The following SKAP1 variants were observed in gnomAD, a reference collection of about 807,000 sequenced individuals.
SKAP1 encodes the protein src kinase-associated phosphoprotein 1.
A neutral mutation model predicts 58.5 loss-of-function variants in SKAP1; 44 were observed. The ratio of observed to expected loss-of-function variants is 0.75; its 90% CI spans 0.59 to 0.97. The LOEUF is 0.97. Among genes scored for constraint, SKAP1 ranks in the 50% least tolerant of loss-of-function variants. The probability of loss-of-function intolerance (pLI) is 0.00; values close to 1 mark genes in which losing one functional copy is unlikely to be tolerated. For synonymous variants in SKAP1, 127 were observed against 149.7 expected, an observed-to-expected ratio of 0.85 and a Z score of 1.11; for missense variants, 390 against 435.2, an observed-to-expected ratio of 0.90 and a Z score of 0.92.
At chr17:48,439,793 CAG>C in the SKAP1 span, among the ~76,000 whole-genome samples, 6 of 152,150 alleles carry the variant, frequency 3.9e-5, no homozygotes, top group African/African-American at 1.2e-4. Context: ...GAGGAGGAAT[CAG>C]AGAAAAAATG....
chr17:48,250,786 A>C (rs188506734), intron 4 of SKAP1, among the ~76,000 whole-genome samples: 1 of 152,284 alleles, frequency 6.6e-6, no homozygotes, highest in Non-Finnish European at 1.5e-5. Flanking sequence ...ACCTGCAGAT[A>C]TATAGAGGAG....
At chr17:48,359,141 G>C (rs909185539) in intron 3 of SKAP1, among the ~76,000 whole-genome samples, 2 of 151,604 alleles carry the variant, frequency 1.3e-5, no homozygotes, top group African/African-American at 4.8e-5. Context: ...TTTACATTAT[G>C]GAGAAGTTTA....
At chr17:48,272,380 C>T (rs184148209) in intron 4 of SKAP1, among the ~76,000 whole-genome samples, 114 of 151,904 alleles carry the variant, frequency 7.5e-4, no homozygotes, top group African/African-American at 2.6e-3. Flanking sequence ...GATCCATCCA[C>T]CTTGGCCTCC....
intron 4 of SKAP1, chr17:48,308,906 G>A (rs540902469): frequency 4.6e-5 from 7 of 151,910 alleles, no homozygotes; most frequent in African/African-American, 7.3e-5. Flanking sequence ...TTGTTTATTT[G>A]AGCTCAGTTC....
intron 4 of SKAP1, among the ~76,000 whole-genome samples, chr17:48,239,010 T>C (rs1468163165): frequency 1.3e-5 from 2 of 152,198 alleles, no homozygotes; most frequent in Non-Finnish European, 2.9e-5. Flanking sequence ...CTTTAGTTAT[T>C]TGAAAAAGCT....
At chr17:48,300,733 A>G (rs1167337143) in intron 4 of SKAP1, among the ~76,000 whole-genome samples, 1 of 152,190 alleles carries the variant, frequency 6.6e-6, no homozygotes, top group Non-Finnish European at 1.5e-5. Flanking sequence ...CTGCTTAACA[A>G]TAATGTGTTT....
intron 4 of SKAP1, among the ~76,000 whole-genome samples, chr17:48,223,966 CTG>C (rs2065033670): frequency 6.7e-6 from 1 of 148,992 alleles, no homozygotes; most frequent in East Asian, 2.0e-4. Context: ...TGTGTATAGA[CTG>C]TGGAGAAGAG....
At position 48,157,874 on chromosome 17, in the gene SKAP1, AT is replaced by A. The variant is rs982672920; in HGVS notation, c.978+4594del. Among the ~76,000 whole-genome samples, 725 of 144,106 alleles carry A rather than the reference AT, an allele frequency of 5.0e-3. 3 individuals are homozygous for A. The highest frequency in any genetic ancestry group is 0.017 in the African/African-American group (658 of 39,590). 94.5% of individuals were successfully genotyped at this position (144,106 alleles called of 152,430 possible). A position where few individuals can be genotyped will look rare whatever the true frequency, so the allele number is the denominator to read the frequency against. The stretch of plus-strand genomic sequence containing the variant: ...CCCAGTCAATCATCTTCTCTGGATA[AT>A]TTTTTTTTTTGAAAAGGGATAGCCG... On this transcript the variant is annotated intron_variant, in intron 11 of 12. Transcript: ENST00000336915.
chr17:48,375,670 C>T (rs1399943864), intron 2 of SKAP1, among the ~76,000 whole-genome samples: 2 of 152,082 alleles, frequency 1.3e-5, no homozygotes, highest in African/African-American at 2.4e-5. Context: ...AACTATAATT[C>T]GATGAACTAA....
intron 12 of SKAP1, among the ~76,000 whole-genome samples, chr17:48,136,140 A>G (rs557324715): frequency 6.6e-6 from 1 of 152,050 alleles, no homozygotes; most frequent in South Asian, 2.1e-4. Flanking sequence ...ACATCTGTGA[A>G]GTACCCTTAA....
At chr17:48,169,578 C>T (rs886457207) in intron 10 of SKAP1, among the ~76,000 whole-genome samples, 6 of 152,204 alleles carry the variant, frequency 3.9e-5, no homozygotes, top group African/African-American at 9.6e-5. Flanking sequence ...CCTGCTTTGG[C>T]GCATGACTTC....
intron 4 of SKAP1, among the ~76,000 whole-genome samples, chr17:48,240,165 G>T (rs2065230180): frequency 6.6e-6 from 1 of 151,266 alleles, no homozygotes; most frequent in South Asian, 2.1e-4. Context: ...AGCATTGCTA[G>T]ATATGAGGGA....
At chr17:48,351,247 T>TA (rs1401218359) in intron 3 of SKAP1, among the ~76,000 whole-genome samples, 9 of 152,340 alleles carry the variant, frequency 5.9e-5, no homozygotes, top group Non-Finnish European at 1.5e-5. Context: ...ATAAATTACA[T>TA]ACCATTTTGC....
intron 4 of SKAP1, among the ~76,000 whole-genome samples, chr17:48,254,075 G>A (rs2143893079): frequency 6.6e-6 from 1 of 152,220 alleles, no homozygotes; most frequent in South Asian, 2.1e-4. Context: ...TCCCTGAGAT[G>A]CTTCAAACCT....
At chr17:48,441,659 G>A in the SKAP1 span, among the ~76,000 whole-genome samples, 296 of 152,272 alleles carry the variant, frequency 1.9e-3, 2 homozygotes, top group African/African-American at 6.9e-3. Context: ...ATTGAGGAGA[G>A]TATAAACCTG....
At chr17:48,317,218 A>T (rs549191863) in intron 4 of SKAP1, among the ~76,000 whole-genome samples, 42 of 152,314 alleles carry the variant, frequency 2.8e-4, no homozygotes, top group African/African-American at 8.7e-4. Flanking sequence ...AACCTATGAA[A>T]AATCACCAAT....
intron 10 of SKAP1, among the ~76,000 whole-genome samples, chr17:48,167,586 A>G (rs16953235): frequency 0.14 from 21,198 of 152,062 alleles, 2,034 homozygotes; most frequent in Non-Finnish European, 0.2. Context: ...GGCCCTCCTA[A>G]AAGCAATCAT....
chr17:48,300,334 G>A (rs79209081), intron 4 of SKAP1, among the ~76,000 whole-genome samples: 1 of 152,212 alleles, frequency 6.6e-6, no homozygotes, highest in Admixed American at 6.5e-5. Context: ...CTGTGAGAGA[G>A]TTCTGGGACA....
At chr17:48,357,329 T>A (rs1294149872) in intron 3 of SKAP1, among the ~76,000 whole-genome samples, 5 of 152,098 alleles carry the variant, frequency 3.3e-5, no homozygotes, top group Admixed American at 6.6e-5. Context: ...TGAGTCTTTT[T>A]GTTAAAAAAA....
Sources: allele counts gnomAD v4.1 joint callset (sites outside exome capture counted in the v4.1 genomes callset), GRCh38; gene constraint gnomAD v4.1.1; transcripts MANE v1.5; gene names NCBI Gene and HGNC (gene_info 2026-07-23, HGNC 2026-07-21).